Variants in GRIK2 observed in about 807,000 individuals in gnomAD.
GRIK2 encodes glutamate receptor ionotropic, kainate 2.
In GRIK2, 32 loss-of-function variants were observed where a neutral mutation model predicts 100.3. The observed-to-expected ratio is 0.32, with a 90% confidence interval of 0.24 to 0.43. The LOEUF (loss-of-function observed/expected upper bound fraction) is 0.43, where lower values mean the gene tolerates loss of function less well. GRIK2 is among the 20% of genes least tolerant of loss of function. The pLI is 1.00. For synonymous variants in GRIK2, 417 were observed against 389.4 expected (o/e 1.07, Z -0.83); for missense variants, 843 against 1,114.9 (o/e 0.76, Z 3.47).
At chr6:101,793,827 G>A (rs1468713817) in intron 7 of GRIK2, among the ~76,000 whole-genome samples, 1 of 152,166 alleles carries the variant, frequency 6.6e-6, no homozygotes, top group Non-Finnish European at 1.5e-5. Context: ...AGCCTACAGA[G>A]GCAGGCAGAC....
chr6:101,420,114 A>G (rs901850057), intron 2 of GRIK2, among the ~76,000 whole-genome samples: 1 of 152,224 alleles, frequency 6.6e-6, no homozygotes, highest in Non-Finnish European at 1.5e-5. Context: ...GTGTTTTTCA[A>G]ACATTATATT....
intron 2 of GRIK2, among the ~76,000 whole-genome samples, chr6:101,561,123 G>C (rs1358468952): frequency 6.6e-6 from 1 of 152,102 alleles, no homozygotes; most frequent in Non-Finnish European, 1.5e-5. Context: ...GTATTCTTTT[G>C]TTAAAGAATA....
intron 2 of GRIK2, among the ~76,000 whole-genome samples, chr6:101,496,994 G>T (rs1461257035): frequency 1.3e-5 from 2 of 152,136 alleles, no homozygotes; most frequent in Admixed American, 1.3e-4. Flanking sequence ...CAACTTTCAA[G>T]AGCTAAATAG....
At chr6:101,946,452 G>C (rs888134975) in intron 14 of GRIK2, among the ~76,000 whole-genome samples, 10 of 151,874 alleles carry the variant, frequency 6.6e-5, no homozygotes, top group African/African-American at 2.4e-4. Context: ...GATCATTTAA[G>C]CCTGGGAGGT....
At chr6:102,051,644 C>T (rs1017558925) in intron 15 of GRIK2, among the ~76,000 whole-genome samples, 8 of 152,096 alleles carry the variant, frequency 5.3e-5, no homozygotes, top group African/African-American at 1.7e-4. Flanking sequence ...CACCCTGTGA[C>T]CATATAGTCT....
chr6:101,792,913 A>G (rs1374808470), intron 7 of GRIK2, among the ~76,000 whole-genome samples: 2 of 151,746 alleles, frequency 1.3e-5, no homozygotes, highest in Non-Finnish European at 2.9e-5. Context: ...ATTTCTTTTT[A>G]TTCTTTTTTC....
chr6:101,524,254 A>T (rs1233139463), intron 2 of GRIK2, among the ~76,000 whole-genome samples: 1 of 152,180 alleles, frequency 6.6e-6, no homozygotes, highest in African/African-American at 2.4e-5. Context: ...GCCAATATGA[A>T]TCAGAAGTGT....
At chr6:101,748,398 G>T (rs534950342) in intron 7 of GRIK2, among the ~76,000 whole-genome samples, 1 of 151,940 alleles carries the variant, frequency 6.6e-6, no homozygotes, top group Non-Finnish European at 1.5e-5. Context: ...TAAATTAAAG[G>T]ACAAATTAAT....
At position 101,764,452 on chromosome 6, in the gene GRIK2, A is replaced by T. The variant is rs192089397; in HGVS notation, c.952-35196A>T. On this transcript the variant is annotated intron_variant, in intron 7 of 16. Coordinates refer to ENST00000369134, the MANE Select transcript of GRIK2 (RefSeq NM_021956.5). ...AGCACTCTGTGTGTGTGTATGTGTG[A>T]GAGAGAGAGAGATGAGAAAGTGAAA... Among the ~76,000 whole-genome samples, 321 of 151,660 alleles carry T rather than the reference A, an allele frequency of 2.1e-3. 4 individuals are homozygous for T. The highest frequency in any genetic ancestry group is 6.3e-4 in the Non-Finnish European group (43 of 67,830).
intron 2 of GRIK2, among the ~76,000 whole-genome samples, chr6:101,574,895 T>G (rs1300569726): frequency 6.6e-6 from 1 of 151,882 alleles, no homozygotes; most frequent in East Asian, 1.9e-4. Flanking sequence ...AATACAAAAT[T>G]TTTATGTTTA....
Position 101,701,734 on chromosome 6 carries a change from T to C in GRIK2, c.951+15381T>C, listed in dbSNP as rs189163860. Among the ~76,000 whole-genome samples, 121 of 152,204 alleles carry C rather than the reference T, an allele frequency of 7.9e-4. 1 individual carries two copies. The highest frequency in any genetic ancestry group is 2.8e-3 in the African/African-American group (115 of 41,544). ...CAAAATCTCAAGGTAAATATAGATA[T>C]TACTCACTTTTAAAACATCATAATT... On this transcript the variant is annotated intron_variant, in intron 7 of 16. Coordinates refer to ENST00000369134, the MANE Select transcript of GRIK2 (RefSeq NM_021956.5).
chr6:101,446,348 T>C (rs2128247599), intron 2 of GRIK2, among the ~76,000 whole-genome samples: 1 of 152,084 alleles, frequency 6.6e-6, no homozygotes, highest in Middle Eastern at 3.4e-3. Context: ...TTTTCATCCT[T>C]TTTATCTATG....
chr6:101,872,621 A>C (rs1785504516), intron 11 of GRIK2, among the ~76,000 whole-genome samples: 1 of 151,428 alleles, frequency 6.6e-6, no homozygotes, highest in Non-Finnish European at 1.5e-5. Flanking sequence ...TTATTCTTTC[A>C]CCTCTTTGTA....
chr6:101,829,134 C>T (rs77365969), intron 10 of GRIK2, among the ~76,000 whole-genome samples: 10,693 of 151,894 alleles, frequency 0.07, 398 homozygotes, highest in African/African-American at 0.087. Context: ...ATGTGATTCA[C>T]CACATAAACA....
At chr6:101,499,273 T>C (rs937485093) in intron 2 of GRIK2, among the ~76,000 whole-genome samples, 1 of 152,152 alleles carries the variant, frequency 6.6e-6, no homozygotes, top group African/African-American at 2.4e-5. Context: ...TAAAATAGCA[T>C]TGCTATTTTC....
intron 7 of GRIK2, among the ~76,000 whole-genome samples, chr6:101,742,805 T>C (rs1230050393): frequency 6.6e-6 from 1 of 152,122 alleles, no homozygotes; most frequent in Non-Finnish European, 1.5e-5. Context: ...TAAAATGTTT[T>C]TTATCATACT....
chr6:101,797,991 G>A (rs546183967), intron 7 of GRIK2, among the ~76,000 whole-genome samples: 2 of 148,962 alleles, frequency 1.3e-5, no homozygotes, highest in African/African-American at 4.9e-5. Flanking sequence ...AGAAAACATC[G>A]TGAATTTATT....
intron 7 of GRIK2, among the ~76,000 whole-genome samples, chr6:101,707,511 T>A (rs2128356612): frequency 6.9e-6 from 1 of 145,670 alleles, no homozygotes; most frequent in East Asian, 2.0e-4. Flanking sequence ...ATATATGTAA[T>A]AGAATTGTGA....
At chr6:101,787,336 T>A (rs1181740411) in intron 7 of GRIK2, among the ~76,000 whole-genome samples, 1 of 151,982 alleles carries the variant, frequency 6.6e-6, no homozygotes, top group Non-Finnish European at 1.5e-5. Flanking sequence ...TATTTTTTTC[T>A]TCTACTAATA....
Sources: gnomAD v4.1 joint callset for allele counts (sites outside exome capture counted in the v4.1 genomes callset) on GRCh38, gnomAD v4.1.1 for gene constraint, MANE v1.5 for transcripts, NCBI Gene and HGNC (gene_info 2026-07-23, HGNC 2026-07-21) for gene names.